JMY: variants seen among roughly 807,000 people sequenced by gnomAD.
The protein encoded by JMY is junction-mediating and -regulatory protein.
JMY carries 46 observed loss-of-function variants against 103.3 expected under a neutral mutation model. The observed-to-expected ratio is 0.45, with a 90% CI of 0.35 to 0.57. JMY has a LOEUF of 0.57. JMY is among the 20% of genes least tolerant of loss of function. The pLI is 0.00. For missense variants in JMY, 1,238 were observed against 1,255.2 expected (o/e 0.99, Z 0.21); for synonymous variants, 526 against 489.3 (o/e 1.07, Z -0.99).
chr5:79,323,400 T>C lies in JMY; in HGVS notation c.*1798T>C, dbSNP rs575933981. The C allele has an allele frequency of 5.3e-5, 8 of 152,364 alleles. No homozygotes were observed. The highest frequency in any genetic ancestry group is 5.9e-5 in the Non-Finnish European group (4 of 68,038). 9.4% of individuals were successfully genotyped at this position (152,364 alleles called of 1,614,324 possible). A position where few individuals can be genotyped will look rare whatever the true frequency, so the allele number is the denominator to read the frequency against. On this transcript the variant is annotated 3_prime_UTR_variant, in exon 11 of 11. Coordinates refer to ENST00000396137, the MANE Select transcript of JMY (RefSeq NM_152405.5). Reference sequence around the variant, plus strand: ...GAAGATTAGAAATACAGATGTAATATGGAAGCTTCAACAGCATGGGGGTGG... The same window carrying C: ...GAAGATTAGAAATACAGATGTAATACGGAAGCTTCAACAGCATGGGGGTGG...
intron 1 of JMY, among the ~76,000 whole-genome samples, chr5:79,270,294 A>G (rs551874817): frequency 6.9e-6 from 1 of 145,410 alleles, no homozygotes; most frequent in South Asian, 2.1e-4. Flanking sequence ...TAAAATATAT[A>G]TTTACATAAA....
chr5:79,301,479 C>T (rs1197090950), intron 6 of JMY, among the ~76,000 whole-genome samples: 1 of 152,146 alleles, frequency 6.6e-6, no homozygotes, highest in East Asian at 1.9e-4. Context: ...TCTGAGAACC[C>T]ACCTTCCTGC....
intron 1 of JMY, among the ~76,000 whole-genome samples, chr5:79,246,743 T>G (rs1744916637): frequency 6.6e-6 from 1 of 152,038 alleles, no homozygotes; most frequent in Non-Finnish European, 1.5e-5. Context: ...TAGCTGGGTG[T>G]GGTGTTGGAC....
At chr5:79,268,977 A>G (rs1474919188) in intron 1 of JMY, among the ~76,000 whole-genome samples, 1 of 152,104 alleles carries the variant, frequency 6.6e-6, no homozygotes, top group Non-Finnish European at 1.5e-5. Context: ...CATTCTTAAT[A>G]GTGTCTTTTG....
chr5:79,297,909 T>G (rs1746611509), intron 4 of JMY, among the ~76,000 whole-genome samples: 1 of 152,162 alleles, frequency 6.6e-6, no homozygotes. Context: ...CTTTCTCAGT[T>G]TGATTTTTGA....
chr5:79,314,922 C>A, intron 9 of JMY, 71 bp downstream of exon 9: 1 of 1,362,430 alleles, frequency 7.3e-7, no homozygotes, highest in South Asian at 1.5e-5. Flanking sequence ...TATTTTTTGA[C>A]GTTGCAAAGC....
At position 79,326,509 on chromosome 5, in the gene JMY, A is replaced by G. The variant is rs1747650847; in HGVS notation, c.*4907A>G. 1 of 149,738 alleles carries G rather than the reference A, an allele frequency of 6.7e-6. No individual in the cohort carries two copies. Among genetic ancestry groups the G allele is most frequent in the South Asian group, 2.1e-4 (1 of 4,818 alleles). The allele number at this position is 149,738 out of a possible 1,614,324, so 9.3% of individuals were successfully genotyped here. The stretch of plus-strand genomic sequence containing the variant: ...CCAAGAGGGGTAAATGATGCTACCC[A>G]TACAGTGACTTCTGAGTTCTTTAAC... On this transcript the variant is annotated 3_prime_UTR_variant, in exon 11 of 11. Transcript: ENST00000396137.
At chr5:79,301,796 A>T (rs1490936516) in intron 6 of JMY, among the ~76,000 whole-genome samples, 1 of 152,134 alleles carries the variant, frequency 6.6e-6, no homozygotes, top group Non-Finnish European at 1.5e-5. Context: ...CAACCAGGTA[A>T]ACATTGCAGG....
rs185618344 is a variant in JMY at position 79,256,709 on chromosome 5, T to C, written c.1032+19027T>C. On this transcript the variant is annotated intron_variant, in intron 1 of 10. Coordinates refer to ENST00000396137, the MANE Select transcript of JMY (RefSeq NM_152405.5). ...CTGAACCACTGCACCTGTCCTTCTT[T>C]CTTTCTTTTCTGCACCTGTTCCCAT... is the stretch of plus-strand genomic sequence containing the variant. Among the ~76,000 whole-genome samples, 213 of 152,192 alleles carry C rather than the reference T, an allele frequency of 1.4e-3. 1 individual carries two copies. Among genetic ancestry groups the C allele is most frequent in the African/African-American group, 5.0e-3 (209 of 41,516 alleles).
intron 1 of JMY, among the ~76,000 whole-genome samples, chr5:79,243,019 T>A (rs1188190393): frequency 3.3e-5 from 5 of 152,196 alleles, no homozygotes; most frequent in Non-Finnish European, 2.9e-5. Context: ...CTGAATGTGA[T>A]GTTTTAGAGA....
At chr5:79,280,865 TTA>T (rs2112088192) in intron 2 of JMY, among the ~76,000 whole-genome samples, 1 of 151,992 alleles carries the variant, frequency 6.6e-6, no homozygotes, top group South Asian at 2.1e-4. Context: ...TTTTTTTTTT[TTA>T]ACTGCATTAC....
At chr5:79,299,964 CTTGA>C (rs1394586491) in intron 4 of JMY, among the ~76,000 whole-genome samples, 185 bp from the exon 5 acceptor site, 4 of 147,538 alleles carry the variant, frequency 2.7e-5, no homozygotes, top group South Asian at 2.2e-4. Flanking sequence ...TATAATATGA[CTTGA>C]TTATTACTGT....
chr5:79,289,381 T>A (rs879354655), intron 2 of JMY, among the ~76,000 whole-genome samples: 6 of 152,048 alleles, frequency 3.9e-5, no homozygotes, highest in Non-Finnish European at 7.4e-5. Flanking sequence ...GTTTTTTTTT[T>A]AATTTATCCT....
intron 1 of JMY, among the ~76,000 whole-genome samples, chr5:79,247,632 A>G (rs138482696): frequency 6.6e-5 from 10 of 151,100 alleles, no homozygotes; most frequent in Admixed American, 1.3e-4. Context: ...TATCACTTCT[A>G]TTTCCTTTTT....
rs369155949 is a variant in JMY, at chr5:79,291,172, A to G, written c.1400A>G (p.Lys467Arg). Residue 467 changes from lysine (K) to arginine (R), a missense_variant, in exon 4 of 11, where the codon AAA becomes AGA. Lys to Arg is a conservative substitution (Grantham distance 26). Transcript: ENST00000396137. Reference protein sequence around the residue: ...RMRADQKKFGKASWAAAAERM... With the variant: ...RMRADQKKFGRASWAAAAERM... ...CGAGCTGATCAGAAGAAATTTGGTA[A>G]AGCATCATGGGCAGCGGCTGCTGAA... is the stretch of plus-strand genomic sequence containing the variant. 13 of 1,610,482 alleles carry G rather than the reference A, an allele frequency of 8.1e-6. No individual in the cohort carries two copies. The highest frequency in any genetic ancestry group is 1.1e-5 in the Non-Finnish European group (13 of 1,179,044).
chr5:79,258,551 G>A (rs1204372858), intron 1 of JMY, among the ~76,000 whole-genome samples: 1 of 152,076 alleles, frequency 6.6e-6, no homozygotes, highest in Admixed American at 6.5e-5. Flanking sequence ...AGCGGTGAGG[G>A]GTGTGTTAGT....
intron 1 of JMY, among the ~76,000 whole-genome samples, chr5:79,250,653 T>A (rs1745057842): frequency 7.4e-6 from 1 of 135,816 alleles, no homozygotes; most frequent in Non-Finnish European, 1.5e-5. Flanking sequence ...TATTTTTCTT[T>A]TTTTTTTTTT....
At chr5:79,301,953 C>T (rs913497144) in intron 6 of JMY, among the ~76,000 whole-genome samples, 3 of 151,824 alleles carry the variant, frequency 2.0e-5, no homozygotes, top group Admixed American at 6.6e-5. Context: ...CATGGTGGCA[C>T]GCGCCTGTAA....
chr5:79,291,767 G>A (rs770881132), intron 4 of JMY, among the ~76,000 whole-genome samples: 7 of 152,058 alleles, frequency 4.6e-5, no homozygotes, highest in Non-Finnish European at 8.8e-5. Context: ...CTCTGTACCC[G>A]CTACAGTCAC....
Sources: allele counts gnomAD v4.1 joint callset (sites outside exome capture counted in the v4.1 genomes callset), GRCh38; gene constraint gnomAD v4.1.1; transcripts MANE v1.5; gene names NCBI Gene and HGNC (gene_info 2026-07-23, HGNC 2026-07-21).